KLC2: variants seen among roughly 807,000 people sequenced by gnomAD.
KLC2 encodes KLC 2.
Under a neutral mutation model 75.1 loss-of-function variants are expected in KLC2, and 35 were observed. That is an observed-to-expected ratio of 0.47 (90% CI 0.36 to 0.62). KLC2 has a LOEUF of 0.62. KLC2 is among the 20% of genes least tolerant of loss of function. The pLI, the probability that KLC2 is intolerant of heterozygous loss-of-function variation, is 0.00. For missense variants in KLC2, 611 were observed against 833.2 expected, an observed-to-expected ratio of 0.73 and a Z score of 3.28; for synonymous variants, 314 against 336.7, an observed-to-expected ratio of 0.93 and a Z score of 0.74.
At chr11:66,259,063 TAAGG>T (rs918854677) in intron 2 of KLC2, among the ~76,000 whole-genome samples, 23 of 152,098 alleles carry the variant, frequency 1.5e-4, no homozygotes, top group Non-Finnish European at 5.9e-5. Context: ...CCCCTCTACC[TAAGG>T]GAGACTGGAT....
chr11:66,254,557 C>T (rs745433187), upstream of KLC2, among the ~76,000 whole-genome samples: 3 of 150,188 alleles, frequency 2.0e-5, no homozygotes, highest in Non-Finnish European at 3.0e-5. Flanking sequence ...CCCAGCTACT[C>T]AAGAGGCTGA....
At chr11:66,252,362 C>A (rs504289), upstream of KLC2, among the ~76,000 whole-genome samples, 1 of 152,032 alleles carries the variant, frequency 6.6e-6, no homozygotes, top group Non-Finnish European at 1.5e-5. Flanking sequence ...CTCGGCTCAC[C>A]GCAAGCTCCG....
Position 66,265,859 on chromosome 11 carries a change from G to T in KLC2, c.1449G>T (p.Leu483Phe). The T allele has an allele frequency of 6.3e-7, 1 of 1,576,668 alleles. No homozygotes were observed. Among genetic ancestry groups the T allele is most frequent in the East Asian group, 2.3e-5 (1 of 44,376 alleles). The change falls in exon 13 of 16, where the codon TTG (leucine) becomes TTT (phenylalanine). Residue 483 changes from leucine (L) to phenylalanine (F), a missense_variant. Coordinates refer to ENST00000394067, the MANE Select transcript of KLC2 (RefSeq NM_001318734.2). ...DCASRNRKQG[L>F]DPASQTKVVE... ...TGCCCCTGCCCCTCCCTCAGGGTTT[G>T]GACCCCGCAAGCCAGACCAAGGTGG...
At position 66,267,183 on chromosome 11, in the gene KLC2, C is replaced by A. The variant is rs1315790439; in HGVS notation, c.*227C>A. The A allele has an allele frequency of 2.1e-5, 32 of 1,549,280 alleles. No individual in the cohort carries two copies. On this transcript the variant is annotated 3_prime_UTR_variant, in exon 16 of 16. Coordinates refer to ENST00000394067, the MANE Select transcript of KLC2 (RefSeq NM_001318734.2). ...TTATTCCTTCCAGCAGGGCCCTCTT[C>A]CCTAGGTTCGGGCCAGCAGGAGGTG...
upstream of KLC2, among the ~76,000 whole-genome samples, chr11:66,253,753 CAA>C (rs964507330): frequency 1.3e-5 from 2 of 152,322 alleles, no homozygotes; most frequent in African/African-American, 2.4e-5. Context: ...GGCTAAGCGA[CAA>C]GAGAATGAGA....
chr11:66,256,514 T>C (rs1283149451), upstream of KLC2, among the ~76,000 whole-genome samples: 2 of 152,070 alleles, frequency 1.3e-5, no homozygotes, highest in Non-Finnish European at 2.9e-5. Context: ...GCTTGAACCC[T>C]GGAGGCAGAG....
At chr11:66,253,074 TC>T (rs1356787936), upstream of KLC2, among the ~76,000 whole-genome samples, 1 of 149,738 alleles carries the variant, frequency 6.7e-6, no homozygotes, top group African/African-American at 2.5e-5. Context: ...TTCAAGCAAT[TC>T]TCCTGCCTCA....
At position 66,266,951 on chromosome 11, in the gene KLC2, G is replaced by A; in HGVS notation, c.1864G>A (p.Gly622Ser). ...MDLSRRSSLV[G>S] ...CCTCTCCCGACGAAGCTCCCTGGTG[G>A]GCTAATGCTGAAGGGGCAGCCAGTC... Residue 622 changes from glycine to serine, a missense_variant, in exon 16 of 16, where the codon GGC (glycine) becomes AGC (serine). Coordinates refer to ENST00000394067, the MANE Select transcript of KLC2 (RefSeq NM_001318734.2). 1 of 1,612,462 alleles carries A rather than the reference G, an allele frequency of 6.2e-7. No homozygotes were observed. The highest frequency in any genetic ancestry group is 2.2e-5 in the East Asian group (1 of 44,864).
At chr11:66,254,434 G>C (rs529574116), upstream of KLC2, among the ~76,000 whole-genome samples, 65 of 152,234 alleles carry the variant, frequency 4.3e-4, no homozygotes, top group South Asian at 7.9e-3. Flanking sequence ...GGGAGGCCGA[G>C]GTGGGATGAT....
At chr11:66,260,910 T>C (rs1215966939) in intron 2 of KLC2, 1 of 151,458 alleles carries the variant, frequency 6.6e-6, no homozygotes, top group Non-Finnish European at 1.5e-5. Context: ...ATTTTTTAAA[T>C]TAGCCAGCTG....
At chr11:66,255,569 C>T (rs534708382), upstream of KLC2, among the ~76,000 whole-genome samples, 21 of 152,268 alleles carry the variant, frequency 1.4e-4, no homozygotes, top group South Asian at 3.5e-3. Flanking sequence ...CAGACCCCAA[C>T]CTCAGGGGCC....
chr11:66,247,142 C>G, the KLC2 span, among the ~76,000 whole-genome samples: 1 of 152,214 alleles, frequency 6.6e-6, no homozygotes, highest in Non-Finnish European at 1.5e-5. Context: ...CTTGTACCCA[C>G]CATCTAATCC....
chr11:66,265,926 C>A lies in KLC2; in HGVS notation c.1516C>A (p.Arg506Ser). The A allele has an allele frequency of 2.5e-6, 4 of 1,588,224 alleles. No individual in the cohort carries two copies. Among genetic ancestry groups the A allele is most frequent in the Non-Finnish European group, 3.4e-6 (4 of 1,164,606 alleles). Reference sequence around the variant, plus strand: ...TGGCAGTGGCAGGCGGGGAGACCGCCGCAGCAGCCGAGACATGGCTGGGGG... The same window carrying A: ...TGGCAGTGGCAGGCGGGGAGACCGCAGCAGCAGCCGAGACATGGCTGGGGG... Reference protein sequence around the residue: ...KDGSGRRGDRRSSRDMAGGAG... With the variant: ...KDGSGRRGDRSSSRDMAGGAG... Residue 506 changes from arginine (R) to serine (S), a missense_variant, in exon 13 of 16, where the codon CGC becomes AGC. By Grantham distance (110) the Arg-to-Ser change is moderately radical (BLOSUM62 -1). Transcript: ENST00000394067.
intron 5 of KLC2, among the ~76,000 whole-genome samples, chr11:66,263,415 G>A (rs1314334644): frequency 3.9e-5 from 6 of 152,190 alleles, no homozygotes; most frequent in South Asian, 2.1e-4. Flanking sequence ...GCCATGTGGC[G>A]CCCAGGAATG....
At chr11:66,261,208 TG>T (rs1856391045) in intron 2 of KLC2, 1 of 153,250 alleles carries the variant, frequency 6.5e-6, no homozygotes, top group Non-Finnish European at 1.5e-5. Flanking sequence ...ATACTTTTCC[TG>T]CCCCTGTGGC....
chr11:66,244,048 C>T, the KLC2 span: 1 of 152,368 alleles, frequency 6.6e-6, no homozygotes, highest in Non-Finnish European at 1.5e-5. Context: ...CGCCAAGTCT[C>T]TTGGTTGTAC....
In KLC2 at chr11:66,258,624, G is replaced by A. The variant is rs141220321; in HGVS notation, c.30G>A (p.Glu10=). MAMMVFPRE[E]KLSQDEIVLG... ...CCATGATGGTGTTTCCGCGGGAGGA[G>A]AAGCTGAGCCAGGATGAGATCGTGC... Residue 10 remains glutamate, a synonymous_variant, in exon 2 of 16, where the codon GAG becomes GAA. Transcript: ENST00000394067. The A allele has an allele frequency of 2.5e-5, 40 of 1,613,634 alleles. No individual in the cohort carries two copies. In the Middle Eastern group the frequency reaches 8.3e-4, roughly 33 times the overall value.
upstream of KLC2, among the ~76,000 whole-genome samples, chr11:66,252,346 C>CT (rs1565164164): frequency 3.3e-5 from 5 of 152,130 alleles, no homozygotes; most frequent in Admixed American, 6.5e-5. Context: ...AGTGCAGTGG[C>CT]GCGATCTCGG....
At chr11:66,255,293 C>T (rs1855995394), upstream of KLC2, among the ~76,000 whole-genome samples, 1 of 152,252 alleles carries the variant, frequency 6.6e-6, no homozygotes, top group Admixed American at 6.5e-5. Context: ...TGGCTTGAGC[C>T]ATCCTCCCAC....
Sources: allele counts gnomAD v4.1 joint callset (sites outside exome capture counted in the v4.1 genomes callset), GRCh38; gene constraint gnomAD v4.1.1; transcripts MANE v1.5; gene names NCBI Gene and HGNC (gene_info 2026-07-23, HGNC 2026-07-21).